The following GNG7 variants were observed in gnomAD, a reference collection of about 807,000 sequenced individuals.
The protein encoded by GNG7 is guanine nucleotide-binding protein G(I)/G(S)/G(O) subunit gamma-7.
In GNG7, 1 loss-of-function variant was observed where a neutral mutation model predicts 4.0. The ratio of observed to expected loss-of-function variants is 0.25; its 90% CI spans 0.09 to 1.18. The LOEUF (loss-of-function observed/expected upper bound fraction) is 1.18, where lower values mean the gene tolerates loss of function less well. Among genes scored for constraint, GNG7 ranks in the 50% most tolerant of loss-of-function variants. GNG7 has a pLI of 0.50. For synonymous variants in GNG7, 34 were observed against 36.9 expected, an observed-to-expected ratio of 0.92 and a Z score of 0.29; for missense variants, 86 against 91.9, an observed-to-expected ratio of 0.94 and a Z score of 0.26.
intron 2 of GNG7, among the ~76,000 whole-genome samples, chr19:2,615,241 A>G (rs769234392): frequency 2.7e-4 from 40 of 150,056 alleles, no homozygotes; most frequent in Non-Finnish European, 5.0e-4. Flanking sequence ...GGCTCACTGC[A>G]AACTCCACCT....
chr19:2,543,479 C>T (rs115797946), intron 3 of GNG7, among the ~76,000 whole-genome samples: 7,377 of 152,210 alleles, frequency 0.048, 607 homozygotes, highest in African/African-American at 0.17. Flanking sequence ...TCTGCTTCGG[C>T]CTCCCAAAGT....
rs558127531 is a variant in GNG7 at position 2,672,994 on chromosome 19, T to C, written c.-134-26714A>G. 5.6e-3 allele frequency among the ~76,000 whole-genome samples: 846 copies of C among 151,160 alleles called. 6 individuals carry two copies. Among genetic ancestry groups the C allele is most frequent in the African/African-American group, 7.0e-3 (290 of 41,336 alleles). ...TAGGTTGGCCGGGTGCGGTGGTTCA[T>C]GCCTGTAATCCCAGCACTTTGGGAG... On this transcript the variant is annotated intron_variant, in intron 1 of 4. Transcript: ENST00000382159.
In GNG7 at chr19:2,554,557, ATAT is replaced by A. The variant is rs1201661072; in HGVS notation, c.-38+589_-38+591del. ...AAATATATATGCTATATATATATAT[ATAT>A]TTTTTTTTTTTTGAGACAGAGTCTC... On this transcript the variant is annotated intron_variant, in intron 3 of 4. Transcript: ENST00000382159. 1.6e-3 allele frequency among the ~76,000 whole-genome samples: 116 copies of A among 71,704 alleles called. 1 individual carries two copies. The highest frequency in any genetic ancestry group is 5.5e-3 in the African/African-American group (99 of 17,984). The allele number at this position is 71,704 out of a possible 152,430, so 47.0% of individuals were successfully genotyped here.
At chr19:2,696,307 AAAGAAAGAAAG>A (rs1913251733) in intron 1 of GNG7, among the ~76,000 whole-genome samples, 1 of 139,960 alleles carries the variant, frequency 7.1e-6, no homozygotes, top group South Asian at 2.2e-4. Context: ...AGAAAGAAAG[AAAGAAAGAAAG>A]AAAGAAAGAA....
At chr19:2,687,980 C>T (rs572802720) in intron 1 of GNG7, among the ~76,000 whole-genome samples, 31 of 151,424 alleles carry the variant, frequency 2.0e-4, no homozygotes, top group East Asian at 7.7e-4. Flanking sequence ...TAGCCGGGCG[C>T]GGTGGCTCAC....
chr19:2,566,051 G>A (rs903821348), intron 2 of GNG7, among the ~76,000 whole-genome samples: 14 of 151,778 alleles, frequency 9.2e-5, no homozygotes, highest in Admixed American at 5.3e-4. Flanking sequence ...CCAGCTACTC[G>A]GGAGGCTGAG....
chr19:2,642,235 G>A (rs188062288), intron 2 of GNG7: 38 of 172,286 alleles, frequency 2.2e-4, no homozygotes, highest in African/African-American at 7.2e-4. Context: ...ACCCCATCAC[G>A]GGCAGTCTTT....
intron 2 of GNG7, chr19:2,595,024 G>C (rs1474382367): frequency 6.6e-6 from 1 of 152,080 alleles, no homozygotes; most frequent in Non-Finnish European, 1.5e-5. Flanking sequence ...AAAGGATGAG[G>C]TGGGAGGATC....
intron 3 of GNG7, among the ~76,000 whole-genome samples, chr19:2,553,530 T>G (rs937543177): frequency 6.7e-6 from 1 of 148,372 alleles, no homozygotes; most frequent in African/African-American, 2.5e-5. Flanking sequence ...ACACATTACA[T>G]GTAACATCAC....
intron 2 of GNG7, among the ~76,000 whole-genome samples, chr19:2,624,253 G>A (rs941152819): frequency 2.6e-5 from 4 of 152,046 alleles, no homozygotes; most frequent in Admixed American, 1.3e-4. Context: ...GAAAGGGCCG[G>A]GCGCGGTGGC....
chr19:2,551,589 G>GTATTTATAAATATATGAA (rs1421883737), intron 3 of GNG7, among the ~76,000 whole-genome samples: 3 of 145,756 alleles, frequency 2.1e-5, no homozygotes, highest in Non-Finnish European at 3.0e-5. Context: ...ATATAAATAT[G>GTATTTATAAATATATGAA]CATTTATAAA....
At chr19:2,566,045 C>A (rs1979897200) in intron 2 of GNG7, among the ~76,000 whole-genome samples, 1 of 152,008 alleles carries the variant, frequency 6.6e-6, no homozygotes, top group African/African-American at 2.4e-5. Flanking sequence ...GTAATCCCAG[C>A]TACTCGGGAG....
chr19:2,677,330 G>A (rs1983620046), intron 1 of GNG7, among the ~76,000 whole-genome samples: 1 of 151,810 alleles, frequency 6.6e-6, no homozygotes, highest in South Asian at 2.1e-4. Context: ...CCCAGGGGAT[G>A]CTAGGTGGTG....
chr19:2,656,293 C>A (rs750566565), intron 1 of GNG7, among the ~76,000 whole-genome samples: 1 of 152,180 alleles, frequency 6.6e-6, no homozygotes, highest in South Asian at 2.1e-4. Flanking sequence ...ACATGTCCAT[C>A]GTTGGATGAA....
rs1291065968 is a variant in GNG7 at position 2,618,635 on chromosome 19, C to G, written c.-78+27589G>C. Among the ~76,000 whole-genome samples, 1 of 151,998 alleles carries G rather than the reference C, an allele frequency of 6.6e-6. No homozygotes were observed. The highest frequency in any genetic ancestry group is 1.5e-5 in the Non-Finnish European group (1 of 67,990). ...AAGTGCTGGGATTACAGACGTGAGC[C>G]ACCGTGCCCAGCCTGTTCTATTTTT... On this transcript the variant is annotated intron_variant, in intron 2 of 4. Coordinates refer to ENST00000382159, the MANE Select transcript of GNG7 (RefSeq NM_052847.3). This position sits in a 1 kb window ranked among gnomAD's most constrained non-coding sequence, Gnocchi z 5.1.
rs573417282 is a variant in GNG7 at position 2,618,497 on chromosome 19, T to C, written c.-78+27727A>G. Among the ~76,000 whole-genome samples, 480 of 151,956 alleles carry C rather than the reference T, an allele frequency of 3.2e-3. 1 individual carries two copies. The highest frequency in any genetic ancestry group is 3.7e-3 in the Non-Finnish European group (253 of 67,940). ...CCAAGTAGCTGGGATTACAGGCACG[T>C]GCCACCACACCCACCTAATTTTTGT... On this transcript the variant is annotated intron_variant, in intron 2 of 4. Transcript: ENST00000382159. The surrounding 1 kb of genome is among the most constrained non-coding windows in gnomAD (Gnocchi z 5.1).
intron 1 of GNG7, among the ~76,000 whole-genome samples, chr19:2,692,194 G>A (rs1297887368): frequency 1.3e-5 from 2 of 151,686 alleles, no homozygotes; most frequent in Non-Finnish European, 2.9e-5. Context: ...CGAAGTCCAG[G>A]CCTTACTTTC....
chr19:2,587,827 C>T (rs1980720744), intron 2 of GNG7, among the ~76,000 whole-genome samples: 1 of 145,340 alleles, frequency 6.9e-6, no homozygotes, highest in Non-Finnish European at 1.5e-5. Context: ...GGCGACACAG[C>T]AAGACTCTCA....
chr19:2,584,569 C>G (rs1980589879), intron 2 of GNG7, among the ~76,000 whole-genome samples: 1 of 146,472 alleles, frequency 6.8e-6, no homozygotes, highest in African/African-American at 2.6e-5. Flanking sequence ...TGCACTCCAG[C>G]CTGGGCGACA....
Sources: allele counts gnomAD v4.1 joint callset (sites outside exome capture counted in the v4.1 genomes callset), GRCh38; gene constraint gnomAD v4.1.1; non-coding constraint Gnocchi (gnomAD v3.1); transcripts MANE v1.5; gene names NCBI Gene and HGNC (gene_info 2026-07-23, HGNC 2026-07-21).